ANAPC4: variants seen among roughly 807,000 people sequenced by gnomAD.
The protein encoded by ANAPC4 is anaphase promoting complex subunit 4.
In ANAPC4, 63 loss-of-function variants were observed where a neutral mutation model predicts 119.8. The ratio of observed to expected loss-of-function variants is 0.53; its 90% CI spans 0.43 to 0.65. ANAPC4 has a LOEUF of 0.65. Ranked by LOEUF, ANAPC4 falls within the 30% of genes least tolerant of loss-of-function variation. The pLI is 0.00. For missense variants in ANAPC4, 716 were observed against 945.1 expected, an observed-to-expected ratio of 0.76 and a Z score of 3.18; for synonymous variants, 283 against 318.6, an observed-to-expected ratio of 0.89 and a Z score of 1.19.
chr4:25,399,089 GTATT>G (rs146564029), intron 16 of ANAPC4, among the ~76,000 whole-genome samples: 7,337 of 151,880 alleles, frequency 0.048, 204 homozygotes, highest in South Asian at 0.078. Context: ...ATATTATACT[GTATT>G]TATCATATAA....
intron 21 of ANAPC4, among the ~76,000 whole-genome samples, chr4:25,410,679 A>G (rs940218749): frequency 2.0e-5 from 3 of 152,228 alleles, no homozygotes; most frequent in African/African-American, 7.2e-5. Context: ...AAAATGCTCC[A>G]AAATCTAAAA....
Position 25,388,410 on chromosome 4 carries a change from TG to T in ANAPC4, c.369-87del. The stretch of plus-strand genomic sequence containing the variant: ...TATTTACTTGATAATGTTGTAAAAC[TG>T]GGTATCTTTTTTAAAAATTAGCATT... On this transcript the variant is annotated intron_variant, in intron 4 of 28. Coordinates refer to ENST00000315368, the MANE Select transcript of ANAPC4 (RefSeq NM_013367.3). The T allele has an allele frequency of 9.5e-6, 8 of 843,316 alleles. No homozygotes were observed. In the South Asian group the frequency reaches 1.3e-4, roughly 13 times the overall value. The allele number at this position is 843,316 out of a possible 1,614,324, so 52.2% of individuals were successfully genotyped here.
chr4:25,396,958 T>G (rs1423146264), intron 16 of ANAPC4, 59 bp downstream of exon 16: 2 of 1,479,496 alleles, frequency 1.4e-6, no homozygotes, highest in Admixed American at 4.2e-5. Context: ...TTGACCTAAA[T>G]AAGAACCTAG....
chr4:25,406,755 T>TA, intron 18 of ANAPC4, 74 bp from the exon 19 acceptor site: 1 of 1,139,612 alleles, frequency 8.8e-7, no homozygotes, highest in Middle Eastern at 2.5e-4. Context: ...GTCACATTTA[T>TA]AATTATGTAC....
chr4:25,408,533 AAAAATT>A (rs1023834019), intron 20 of ANAPC4, among the ~76,000 whole-genome samples: 4 of 134,590 alleles, frequency 3.0e-5, no homozygotes, highest in Admixed American at 2.4e-4. Flanking sequence ...CAAAAAAAAA[AAAAATT>A]TTTTTTTTTT....
intron 20 of ANAPC4, 89 bp downstream of exon 20, chr4:25,407,342 C>T (rs1723309904): frequency 1.0e-6 from 1 of 955,376 alleles, no homozygotes; most frequent in South Asian, 2.0e-5. Context: ...CCAAGTAATA[C>T]AGGATCTCTG....
rs745516525 is a variant in ANAPC4 at position 25,409,773 on chromosome 4, A to C, written c.1507A>C (p.Asn503His). The C allele has an allele frequency of 4.3e-6, 7 of 1,613,222 alleles. No individual in the cohort carries two copies. In the Admixed American group the frequency reaches 5.0e-5, roughly 12 times the overall value. ...AAACCAGTGGTATGACTTTCTTCAA[A>C]ATAGCAGCCACCTTAAAGGTACTTC... ...EGNQWYDFLQ[N>H]SSHLKESPLL... is the part of the protein sequence containing the mutation. The change falls in exon 21 of 29, where the codon AAT becomes CAT. Residue 503 changes from asparagine (N) to histidine (H), a missense_variant. This residue lies in a region of ANAPC4 where 504 missense variants were observed against 615.8 expected (regional missense o/e 0.82). Coordinates refer to ENST00000315368, the MANE Select transcript of ANAPC4 (RefSeq NM_013367.3).
chr4:25,409,509 C>A (rs1182216282), intron 20 of ANAPC4, among the ~76,000 whole-genome samples, 189 bp from the exon 21 acceptor site: 1 of 152,134 alleles, frequency 6.6e-6, no homozygotes, highest in East Asian at 1.9e-4. Flanking sequence ...GATAGTAATG[C>A]ACTTTCAGAG....
intron 9 of ANAPC4, among the ~76,000 whole-genome samples, chr4:25,392,085 G>A (rs998131623): frequency 6.6e-6 from 1 of 152,052 alleles, no homozygotes; most frequent in East Asian, 1.9e-4. Context: ...TTGTAATACT[G>A]TTTCAAAATA....
At chr4:25,416,790 G>A in intron 27 of ANAPC4, 192 bp downstream of exon 27, 1 of 381,560 alleles carries the variant, frequency 2.6e-6, no homozygotes, top group Non-Finnish European at 4.6e-6. Flanking sequence ...TTGTCCCTTT[G>A]CTTTACTAGT....
intron 4 of ANAPC4, among the ~76,000 whole-genome samples, chr4:25,386,313 A>G (rs1329243423): frequency 1.3e-5 from 2 of 152,002 alleles, no homozygotes; most frequent in South Asian, 2.1e-4. Context: ...GCAGGGTTCA[A>G]GTGATTCTCC....
At chr4:25,378,439 C>A (rs1275191855) in intron 2 of ANAPC4, among the ~76,000 whole-genome samples, 1 of 152,176 alleles carries the variant, frequency 6.6e-6, no homozygotes, top group African/African-American at 2.4e-5. Context: ...TTTTTCAGGG[C>A]CCTCCATGAA....
chr4:25,395,883 T>A (rs1722621172), intron 14 of ANAPC4, among the ~76,000 whole-genome samples: 1 of 152,190 alleles, frequency 6.6e-6, no homozygotes, highest in Non-Finnish European at 1.5e-5. Flanking sequence ...TTTGAATGTA[T>A]TTTCCCCAGT....
intron 12 of ANAPC4, 71 bp downstream of exon 12, chr4:25,394,445 T>G (rs1176919160): frequency 1.4e-5 from 19 of 1,339,140 alleles, no homozygotes; most frequent in Non-Finnish European, 1.6e-5. Context: ...TGAAAAGTAG[T>G]TTATAGTCAT....
intron 2 of ANAPC4, 104 bp from the exon 3 acceptor site, chr4:25,380,270 T>C (rs1400136601): frequency 2.9e-6 from 2 of 687,722 alleles, no homozygotes; most frequent in African/African-American, 3.6e-5. Context: ...GCTAAGTATA[T>C]ATGAGAGATG....
intron 4 of ANAPC4, among the ~76,000 whole-genome samples, chr4:25,387,516 G>C (rs191907976): frequency 6.6e-6 from 1 of 152,192 alleles, no homozygotes; most frequent in Non-Finnish European, 1.5e-5. Context: ...TAGAATGTTA[G>C]AGGGTCAGAG....
At chr4:25,399,474 T>C (rs971696605) in intron 16 of ANAPC4, among the ~76,000 whole-genome samples, 3 of 152,088 alleles carry the variant, frequency 2.0e-5, no homozygotes, top group Admixed American at 2.0e-4. Context: ...TTTATGTTTC[T>C]CATTTTAGGG....
intron 11 of ANAPC4, 88 bp downstream of exon 11, chr4:25,393,979 A>G: frequency 9.2e-7 from 1 of 1,085,636 alleles, no homozygotes; most frequent in East Asian, 2.7e-5. Context: ...AATCAGTTTG[A>G]TTCATAAAAG....
chr4:25,381,730 A>G (rs951436857), intron 3 of ANAPC4, among the ~76,000 whole-genome samples: 5 of 152,042 alleles, frequency 3.3e-5, no homozygotes, highest in African/African-American at 1.2e-4. Flanking sequence ...TAGGTGAATC[A>G]TGAGGTCAGG....
Sources: gnomAD v4.1 joint callset for allele counts (sites outside exome capture counted in the v4.1 genomes callset) on GRCh38, gnomAD v4.1.1 for gene constraint, gnomAD v4.1.1 regional missense constraint, MANE v1.5 for transcripts, NCBI Gene and HGNC (gene_info 2026-07-23, HGNC 2026-07-21) for gene names.